The following TTYH3 variants were observed in gnomAD, a reference collection of about 807,000 sequenced individuals.
TTYH3 encodes the protein tweety family member 3.
TTYH3 carries 23 observed loss-of-function variants against 68.2 expected under a neutral mutation model. The ratio of observed to expected loss-of-function variants is 0.34; its 90% CI spans 0.24 to 0.48. The LOEUF is 0.48. Ranked by LOEUF, TTYH3 falls within the 20% of genes least tolerant of loss-of-function variation. The pLI, the probability that TTYH3 is intolerant of heterozygous loss-of-function variation, is 0.99. For synonymous variants in TTYH3, 360 were observed against 332.8 expected (o/e 1.08, Z -0.89); for missense variants, 768 against 727.7 (o/e 1.06, Z -0.64).
At chr7:2,660,579 C>T (rs944721280) in intron 13 of TTYH3, 35 of 978,990 alleles carry the variant, frequency 3.6e-5, no homozygotes, top group Non-Finnish European at 3.9e-5. Context: ...CGCCCCCATC[C>T]CCTCCCCTTG....
Position 2,661,682 on chromosome 7 carries a change from G to A in TTYH3, c.1515G>A (p.Met505Ile), listed in dbSNP as rs956319391. The change falls in exon 14 of 14, where the codon ATG becomes ATA. Residue 505 changes from methionine to isoleucine, a missense_variant. Met to Ile is a conservative substitution (Grantham distance 10, BLOSUM62 1). Transcript: ENST00000258796. ...ESPPPSYTSSMRAKYLATSQP... is the reference protein window; with the variant it reads ...ESPPPSYTSSIRAKYLATSQP... ...TCTCCCTCCAGTACACCTCCAGCAT[G>A]AGAGCCAAATACCTCGCCACGAGCC... 6.2e-7 allele frequency: 1 copy of A among 1,612,292 alleles called. No individual in the cohort carries two copies. The highest frequency in any genetic ancestry group is 8.5e-7 in the Non-Finnish European group (1 of 1,179,530).
intron 10 of TTYH3, 58 bp from the exon 11 acceptor site, chr7:2,656,340 C>T (rs1037027728): frequency 2.6e-5 from 42 of 1,586,984 alleles, no homozygotes; most frequent in South Asian, 3.4e-5. Context: ...GAAGGTCTCA[C>T]GCTGCCCCCT....
intron 1 of TTYH3, among the ~76,000 whole-genome samples, chr7:2,640,766 C>T (rs1250421491): frequency 7.3e-6 from 1 of 137,724 alleles, no homozygotes; most frequent in Non-Finnish European, 1.5e-5. Context: ...CACAGCTGCT[C>T]GTGCACGTCG....
At chr7:2,641,985 A>C (rs896761659) in intron 1 of TTYH3, among the ~76,000 whole-genome samples, 5 of 152,216 alleles carry the variant, frequency 3.3e-5, no homozygotes, top group Non-Finnish European at 5.9e-5. Flanking sequence ...CTCCTTCCTC[A>C]GTTGGGGGAA....
At position 2,632,327 on chromosome 7, in the gene TTYH3, C is replaced by T. The variant is rs762802607; in HGVS notation, c.123+49C>T. 20 of 1,495,480 alleles carry T rather than the reference C, an allele frequency of 1.3e-5. No individual in the cohort carries two copies. The East Asian group carries it at 4.5e-4, about 34-fold the overall frequency. The allele number at this position is 1,495,480 out of a possible 1,614,324, so 92.6% of individuals were successfully genotyped here. A position where few individuals can be genotyped will look rare whatever the true frequency, so the allele number is the denominator to read the frequency against. ...CGGGGTCAGGGACCCCAGGTCACGGCCCCCTCCTCTCCCAGGGTCACGGCC... is the reference window on the plus strand; with the variant it reads ...CGGGGTCAGGGACCCCAGGTCACGGTCCCCTCCTCTCCCAGGGTCACGGCC... On this transcript the variant is annotated intron_variant, in intron 1 of 13. Transcript: ENST00000258796.
chr7:2,659,349 G>A (rs1786427914), intron 13 of TTYH3, among the ~76,000 whole-genome samples: 1 of 152,192 alleles, frequency 6.6e-6, no homozygotes, highest in Non-Finnish European at 1.5e-5. Flanking sequence ...GCGGGCAGAT[G>A]TGGCCCCACT....
At chr7:2,632,460 T>C (rs528104579) in intron 1 of TTYH3, among the ~76,000 whole-genome samples, 182 bp downstream of exon 1, 2 of 151,826 alleles carry the variant, frequency 1.3e-5, no homozygotes, top group South Asian at 4.2e-4. Context: ...TTCTGAGTCC[T>C]AGGACCCTTT....
In TTYH3 at chr7:2,664,657, T is replaced by C. The variant is rs979179359; in HGVS notation, c.*2918T>C. On this transcript the variant is annotated 3_prime_UTR_variant, in exon 14 of 14. Transcript: ENST00000258796. The stretch of plus-strand genomic sequence containing the variant: ...TGTATGTACTGTCGCTGTGTTTTTT[T>C]GTTTTTTTAGAACTGGGTTTGGGGG... 2.0e-5 allele frequency: 3 copies of C among 152,456 alleles called. No individual in the cohort carries two copies. The highest frequency in any genetic ancestry group is 2.1e-4 in the South Asian group (1 of 4,826). 9.4% of individuals were successfully genotyped at this position (152,456 alleles called of 1,614,324 possible).
At chr7:2,652,160 T>A in intron 7 of TTYH3, 27 bp from the exon 8 acceptor site, 1 of 1,611,230 alleles carries the variant, frequency 6.2e-7, no homozygotes, top group Non-Finnish European at 8.5e-7. Flanking sequence ...CTGTTGCAGC[T>A]CAGCCTTCCC....
intron 1 of TTYH3, among the ~76,000 whole-genome samples, chr7:2,638,744 C>T (rs1420442415): frequency 2.0e-5 from 3 of 152,174 alleles, no homozygotes; most frequent in Non-Finnish European, 4.4e-5. Flanking sequence ...GGGCCAGTGT[C>T]GCTGGGAGCC....
At chr7:2,651,398 C>T (rs563184557) in intron 7 of TTYH3, among the ~76,000 whole-genome samples, 2 of 152,132 alleles carry the variant, frequency 1.3e-5, no homozygotes, top group South Asian at 2.1e-4. Context: ...ACCTTGTCCT[C>T]GGGGGCGAGG....
intron 1 of TTYH3, among the ~76,000 whole-genome samples, chr7:2,639,521 G>A (rs571358699): frequency 6.6e-6 from 1 of 152,296 alleles, no homozygotes; most frequent in African/African-American, 2.4e-5. Flanking sequence ...TAGCGCGGCC[G>A]AGCTGTCTGT....
chr7:2,648,538 G>A (rs1448341226), intron 5 of TTYH3: 3 of 156,082 alleles, frequency 1.9e-5, no homozygotes, highest in Non-Finnish European at 4.2e-5. Context: ...CTCTGTGGGA[G>A]GTAAGGTGTT....
intron 9 of TTYH3, 145 bp from the exon 10 acceptor site, chr7:2,655,947 C>G (rs1236679525): frequency 9.3e-6 from 6 of 648,368 alleles, no homozygotes; most frequent in African/African-American, 9.2e-5. Context: ...TCCTCAGGAC[C>G]TGCACTGAGA....
In TTYH3 at chr7:2,652,208, C is replaced by T. The variant is rs995387342; in HGVS notation, c.893C>T (p.Ala298Val). 1.9e-6 allele frequency: 3 copies of T among 1,613,178 alleles called. No homozygotes were observed. Among genetic ancestry groups the T allele is most frequent in the Non-Finnish European group, 2.5e-6 (3 of 1,180,010 alleles). The change falls in exon 8 of 14, where the codon GCC becomes GTC. Residue 298 changes from alanine to valine, a missense_variant. Transcript: ENST00000258796. Reference sequence around the variant, plus strand: ...GCAGACATCCTGCAGTACTACCTGGCCTGCTCGCCCCGCGCCGCCAACCCC... The same window carrying T: ...GCAGACATCCTGCAGTACTACCTGGTCTGCTCGCCCCGCGCCGCCAACCCC... Reference protein sequence around the residue: ...LSGDILQYYLACSPRAANPFQ... With the variant: ...LSGDILQYYLVCSPRAANPFQ...
At position 2,639,170 on chromosome 7, in the gene TTYH3, C is replaced by T. The variant is rs1270945220; in HGVS notation, c.123+6892C>T. 3.3e-5 allele frequency among the ~76,000 whole-genome samples: 5 copies of T among 152,264 alleles called. No homozygotes were observed. In the South Asian group the frequency reaches 8.3e-4, roughly 25 times the overall value. On this transcript the variant is annotated intron_variant, in intron 1 of 13. Transcript: ENST00000258796. ...AGTTCCAGGGCTGGAGTTCAGCATC[C>T]GTGGAGGCAGGTGGGGGTCACTCCC...
intron 1 of TTYH3, among the ~76,000 whole-genome samples, chr7:2,641,155 A>G (rs1785831056): frequency 6.6e-6 from 1 of 152,196 alleles, no homozygotes; most frequent in Admixed American, 6.5e-5. Context: ...CATCCCTGCC[A>G]GGCCAGGGAG....
At chr7:2,635,357 G>T (rs1785630312) in intron 1 of TTYH3, among the ~76,000 whole-genome samples, 1 of 152,228 alleles carries the variant, frequency 6.6e-6, no homozygotes, top group African/African-American at 2.4e-5. Context: ...GACCTTGGGT[G>T]GTCCAGACAC....
At chr7:2,658,817 G>T in intron 12 of TTYH3, 123 bp from the exon 13 acceptor site, 1 of 944,680 alleles carries the variant, frequency 1.1e-6, no homozygotes, top group South Asian at 1.5e-5. Context: ...TGGGTTCGTG[G>T]GACCCCCAGT....
Sources: allele counts gnomAD v4.1 joint callset (sites outside exome capture counted in the v4.1 genomes callset), GRCh38; gene constraint gnomAD v4.1.1; transcripts MANE v1.5; gene names NCBI Gene and HGNC (gene_info 2026-07-23, HGNC 2026-07-21).